The following RNU4ATAC variants were observed in gnomAD, a reference collection of about 807,000 sequenced individuals.
RNU4ATAC encodes RNA, U4atac small nuclear (U12-dependent splicing).
At position 121,530,954 on chromosome 2, in the gene RNU4ATAC, A is replaced by AT. The variant is rs2094799004; in HGVS notation, n.74_75insT. On this transcript the variant is annotated non_coding_transcript_exon_variant, in exon 1 of 1. Transcript: ENST00000580972. ...GGGCAGTACTGCTAACGCCTGAACA[A>AT]CACACCCGCATCAACTAGAGCTTTT... The AT allele has an allele frequency of 8.6e-6, 6 of 700,312 alleles. No individual in the cohort carries two copies. Among genetic ancestry groups the AT allele is most frequent in the Admixed American group, 6.0e-5 (3 of 49,994 alleles). The allele number at this position is 700,312 out of a possible 1,614,324, so 43.4% of individuals were successfully genotyped here.
In RNU4ATAC at chr2:121,530,954, A is replaced by C. The variant is rs950868962; in HGVS notation, n.74A>C. 12 of 700,312 alleles carry C rather than the reference A, an allele frequency of 1.7e-5. No individual in the cohort carries two copies. Among genetic ancestry groups the C allele is most frequent in the African/African-American group, 3.5e-5 (2 of 57,190 alleles). The allele number at this position is 700,312 out of a possible 1,614,324, so 43.4% of individuals were successfully genotyped here. ...GGGCAGTACTGCTAACGCCTGAACA[A>C]CACACCCGCATCAACTAGAGCTTTT... On this transcript the variant is annotated non_coding_transcript_exon_variant, in exon 1 of 1. Transcript: ENST00000580972.
chr2:121,530,975 CTTTTGCT>C lies in RNU4ATAC; in HGVS notation n.98_104del. The C allele has an allele frequency of 2.9e-6, 2 of 700,418 alleles. No individual in the cohort carries two copies. Among genetic ancestry groups the C allele is most frequent in the Non-Finnish European group, 5.2e-6 (2 of 384,824 alleles). 43.4% of individuals were successfully genotyped at this position (700,418 alleles called of 1,614,324 possible). ...AACAACACACCCGCATCAACTAGAG[CTTTTGCT>C]TTATTTTGGTGCAATTTTTGGAAAA... On this transcript the variant is annotated non_coding_transcript_exon_variant, in exon 1 of 1. Transcript: ENST00000580972.
At chr2:121,530,949 GAAC>G (rs1314767475) in exon 1 of RNU4ATAC, 8 of 700,268 alleles carry the variant, frequency 1.1e-5, no homozygotes, top group Non-Finnish European at 1.8e-5. Flanking sequence ...GCTAACGCCT[GAAC>G]AACACACCCG....
exon 1 of RNU4ATAC, chr2:121,530,992 T>C: frequency 1.4e-6 from 1 of 700,350 alleles, no homozygotes; most frequent in Non-Finnish European, 2.6e-6. Context: ...TTTATTTTGG[T>C]GCAATTTTTG....
chr2:121,530,975 C>G lies in RNU4ATAC; in HGVS notation n.95C>G, dbSNP rs538424742. On this transcript the variant is annotated non_coding_transcript_exon_variant, in exon 1 of 1. Transcript: ENST00000580972. ...AACAACACACCCGCATCAACTAGAG[C>G]TTTTGCTTTATTTTGGTGCAATTTT... 9.3e-5 allele frequency: 65 copies of G among 700,418 alleles called. No individual in the cohort carries two copies. Among genetic ancestry groups the G allele is most frequent in the Middle Eastern group, 3.7e-4 (1 of 2,738 alleles). 43.4% of individuals were successfully genotyped at this position (700,418 alleles called of 1,614,324 possible). A position where few individuals can be genotyped will look rare whatever the true frequency, so the allele number is the denominator to read the frequency against.
At chr2:121,530,911 C>A (rs549457414) in exon 1 of RNU4ATAC, 2 of 699,050 alleles carry the variant, frequency 2.9e-6, no homozygotes, top group African/African-American at 1.7e-5. Flanking sequence ...GCGCTACTGT[C>A]CAATGAGCGC....
chr2:121,530,892 C>T lies in RNU4ATAC; in HGVS notation n.12C>T, dbSNP rs559979281. On this transcript the variant is annotated non_coding_transcript_exon_variant, in exon 1 of 1. Transcript: ENST00000580972. Reference sequence around the variant, plus strand: ...GACTTTCTATTATAACCATCCTTTTCTTGGGGTTGCGCTACTGTCCAATGA... The same window carrying T: ...GACTTTCTATTATAACCATCCTTTTTTTGGGGTTGCGCTACTGTCCAATGA... 5.0e-4 allele frequency: 345 copies of T among 693,814 alleles called. No individual in the cohort carries two copies. The highest frequency in any genetic ancestry group is 6.7e-4 in the Non-Finnish European group (253 of 379,610). The allele number at this position is 693,814 out of a possible 1,614,324, so 43.0% of individuals were successfully genotyped here.
Position 121,530,929 on chromosome 2 carries a change from G to C in RNU4ATAC, n.49G>C, listed in dbSNP as rs181195449. ...CTACTGTCCAATGAGCGCATAGTGA[G>C]GGCAGTACTGCTAACGCCTGAACAA... On this transcript the variant is annotated non_coding_transcript_exon_variant, in exon 1 of 1. Coordinates refer to ENST00000580972, the Ensembl canonical transcript of RNU4ATAC. The C allele has an allele frequency of 1.1e-5, 8 of 700,232 alleles. No individual in the cohort carries two copies. The highest frequency in any genetic ancestry group is 3.5e-5 in the African/African-American group (2 of 57,160). The allele number at this position is 700,232 out of a possible 1,614,324, so 43.4% of individuals were successfully genotyped here.
chr2:121,530,924 A>G lies in RNU4ATAC; in HGVS notation n.44A>G, dbSNP rs551370385. The G allele has an allele frequency of 4.9e-5, 34 of 699,868 alleles. 1 individual carries two copies. Among genetic ancestry groups the G allele is most frequent in the African/African-American group, 7.0e-5 (4 of 57,182 alleles). 43.4% of individuals were successfully genotyped at this position (699,868 alleles called of 1,614,324 possible). On this transcript the variant is annotated non_coding_transcript_exon_variant, in exon 1 of 1. Transcript: ENST00000580972. ...TTGCGCTACTGTCCAATGAGCGCAT[A>G]GTGAGGGCAGTACTGCTAACGCCTG...
At position 121,530,949 on chromosome 2, in the gene RNU4ATAC, G is replaced by A. The variant is rs769219094; in HGVS notation, n.69G>A. The A allele has an allele frequency of 4.4e-4, 307 of 700,386 alleles. No homozygotes were observed. Among genetic ancestry groups the A allele is most frequent in the Middle Eastern group, 1.1e-3 (3 of 2,738 alleles). The allele number at this position is 700,386 out of a possible 1,614,324, so 43.4% of individuals were successfully genotyped here. On this transcript the variant is annotated non_coding_transcript_exon_variant, in exon 1 of 1. Transcript: ENST00000580972. ...AGTGAGGGCAGTACTGCTAACGCCT[G>A]AACAACACACCCGCATCAACTAGAG...
chr2:121,531,001 T>G lies in RNU4ATAC; in HGVS notation n.121T>G. ...TTTTGCTTTATTTTGGTGCAATTTT[T>G]GGAAAAATGAAAACCTGTTTTCATA... On this transcript the variant is annotated non_coding_transcript_exon_variant, in exon 1 of 1. Transcript: ENST00000580972. 1.4e-6 allele frequency: 1 copy of G among 700,274 alleles called. No homozygotes were observed. The highest frequency in any genetic ancestry group is 2.6e-6 in the Non-Finnish European group (1 of 384,752). The allele number at this position is 700,274 out of a possible 1,614,324, so 43.4% of individuals were successfully genotyped here.
Position 121,530,994 on chromosome 2 carries a change from C to CAATTTTTGGAA in RNU4ATAC, n.117_127dup, listed in dbSNP as rs1559535214. The stretch of plus-strand genomic sequence containing the variant: ...CTAGAGCTTTTGCTTTATTTTGGTG[C>CAATTTTTGGAA]AATTTTTGGAAAAATGAAAACCTGT... On this transcript the variant is annotated non_coding_transcript_exon_variant, in exon 1 of 1. Transcript: ENST00000580972. 1.1e-5 allele frequency: 8 copies of CAATTTTTGGAA among 700,076 alleles called. No individual in the cohort carries two copies. Among genetic ancestry groups the CAATTTTTGGAA allele is most frequent in the Non-Finnish European group, 1.8e-5 (7 of 384,726 alleles). 43.4% of individuals were successfully genotyped at this position (700,076 alleles called of 1,614,324 possible). A position where few individuals can be genotyped will look rare whatever the true frequency, so the allele number is the denominator to read the frequency against.
exon 1 of RNU4ATAC, chr2:121,531,005 A>C (rs1053541578): frequency 2.9e-6 from 2 of 700,228 alleles, no homozygotes; most frequent in African/African-American, 3.5e-5. Flanking sequence ...AATTTTTGGA[A>C]AAATGAAAAC....
chr2:121,530,916 G>GT (rs1559533713), exon 1 of RNU4ATAC: 2 of 699,520 alleles, frequency 2.9e-6, no homozygotes, highest in Non-Finnish European at 5.2e-6. Flanking sequence ...ACTGTCCAAT[G>GT]AGCGCATAGT....
rs186447983 is a variant in RNU4ATAC, at chr2:121,530,966, C to A, written n.86C>A. 16 of 700,294 alleles carry A rather than the reference C, an allele frequency of 2.3e-5. No homozygotes were observed. Among genetic ancestry groups the A allele is most frequent in the Non-Finnish European group, 3.6e-5 (14 of 384,824 alleles). The allele number at this position is 700,294 out of a possible 1,614,324, so 43.4% of individuals were successfully genotyped here. A position where few individuals can be genotyped will look rare whatever the true frequency, so the allele number is the denominator to read the frequency against. ...TAACGCCTGAACAACACACCCGCAT[C>A]AACTAGAGCTTTTGCTTTATTTTGG... On this transcript the variant is annotated non_coding_transcript_exon_variant, in exon 1 of 1. Transcript: ENST00000580972.
chr2:121,531,003 GA>G (rs542752836), exon 1 of RNU4ATAC: 1 of 700,070 alleles, frequency 1.4e-6, no homozygotes, highest in Non-Finnish European at 2.6e-6. Flanking sequence ...GCAATTTTTG[GA>G]AAAATGAAAA....
chr2:121,530,887 C>CT lies in RNU4ATAC; in HGVS notation n.11dup. ...CCAGGGACTTTCTATTATAACCATCCTTTTCTTGGGGTTGCGCTACTGTCC... is the reference window on the plus strand; with the variant it reads ...CCAGGGACTTTCTATTATAACCATCCTTTTTCTTGGGGTTGCGCTACTGTCC... On this transcript the variant is annotated non_coding_transcript_exon_variant, in exon 1 of 1. Transcript: ENST00000580972. 4.3e-6 allele frequency: 3 copies of CT among 692,978 alleles called. No individual in the cohort carries two copies. The East Asian group carries it at 8.1e-5, about 19-fold the overall frequency. 42.9% of individuals were successfully genotyped at this position (692,978 alleles called of 1,614,324 possible).
rs757387857 is a variant in RNU4ATAC, at chr2:121,530,961, C to T, written n.81C>T. The T allele has an allele frequency of 5.4e-5, 38 of 700,390 alleles. No homozygotes were observed. The highest frequency in any genetic ancestry group is 8.1e-5 in the Non-Finnish European group (31 of 384,812). The allele number at this position is 700,390 out of a possible 1,614,324, so 43.4% of individuals were successfully genotyped here. ...ACTGCTAACGCCTGAACAACACACCCGCATCAACTAGAGCTTTTGCTTTAT... is the reference window on the plus strand; with the variant it reads ...ACTGCTAACGCCTGAACAACACACCTGCATCAACTAGAGCTTTTGCTTTAT... On this transcript the variant is annotated non_coding_transcript_exon_variant, in exon 1 of 1. Coordinates refer to ENST00000580972, the Ensembl canonical transcript of RNU4ATAC.
rs763786601 is a variant in RNU4ATAC, at chr2:121,530,891, T to G, written n.11T>G. ...GGACTTTCTATTATAACCATCCTTT[T>G]CTTGGGGTTGCGCTACTGTCCAATG... On this transcript the variant is annotated non_coding_transcript_exon_variant, in exon 1 of 1. Coordinates refer to ENST00000580972, the Ensembl canonical transcript of RNU4ATAC. 2.6e-5 allele frequency: 18 copies of G among 693,630 alleles called. 1 individual carries two copies. The highest frequency in any genetic ancestry group is 1.9e-4 in the South Asian group (13 of 67,280). The allele number at this position is 693,630 out of a possible 1,614,324, so 43.0% of individuals were successfully genotyped here.
Sources: gnomAD v4.1 joint callset for allele counts on GRCh38, gnomAD v4.1.1 for gene constraint, MANE v1.5 for transcripts, NCBI Gene and HGNC (gene_info 2026-07-23, HGNC 2026-07-21) for gene names.